CD8B2: variants seen among roughly 807,000 people sequenced by gnomAD.
CD8B2 encodes CD8B family member 2.
In CD8B2, 11 loss-of-function variants were observed where a neutral mutation model predicts 23.7. The observed-to-expected ratio is 0.46, with a 90% CI of 0.29 to 0.77. The LOEUF (loss-of-function observed/expected upper bound fraction) is 0.77. Among genes scored for constraint, CD8B2 ranks in the 30% least tolerant of loss-of-function variants. CD8B2 has a pLI of 0.09. For synonymous variants in CD8B2, 90 were observed against 109.3 expected (o/e 0.82, Z 1.10); for missense variants, 197 against 270.5 (o/e 0.73, Z 1.91).
chr2:106,504,578 C>T (rs1319126180), intron 5 of CD8B2, among the ~76,000 whole-genome samples: 1 of 21,766 alleles, frequency 4.6e-5, no homozygotes, highest in African/African-American at 9.9e-5. Context: ...AGAGTGAGAC[C>T]CCATCTAAAA....
intron 5 of CD8B2, among the ~76,000 whole-genome samples, chr2:106,536,660 C>T (rs1680095883): frequency 6.6e-6 from 1 of 152,144 alleles, no homozygotes; most frequent in Non-Finnish European, 1.5e-5. Flanking sequence ...ATATTAAGCA[C>T]AGAGGGTAGG....
At chr2:106,533,271 A>G (rs771374294) in intron 5 of CD8B2, among the ~76,000 whole-genome samples, 14 of 152,198 alleles carry the variant, frequency 9.2e-5, no homozygotes, top group Non-Finnish European at 4.4e-5. Context: ...CTCTAACATC[A>G]TGGAGAGACT....
chr2:106,496,376 C>G (rs1251017349), intron 3 of CD8B2, 114 bp downstream of exon 3: 3 of 1,452,000 alleles, frequency 2.1e-6, no homozygotes, highest in Non-Finnish European at 2.8e-6. Context: ...TAGAGCCTAT[C>G]TCCCCAGCCC....
chr2:106,496,555 C>G (rs189212855), intron 3 of CD8B2, among the ~76,000 whole-genome samples: 2 of 152,214 alleles, frequency 1.3e-5, no homozygotes, highest in Non-Finnish European at 2.9e-5. Context: ...CAGAAACTAC[C>G]CAAACATCCA....
intron 5 of CD8B2, among the ~76,000 whole-genome samples, chr2:106,536,408 A>C (rs1680090091): frequency 6.6e-6 from 1 of 152,148 alleles, no homozygotes; most frequent in South Asian, 2.1e-4. Flanking sequence ...ATCCACCCTC[A>C]AAATCCAATC....
At chr2:106,492,914 T>G (rs1679221249) in intron 2 of CD8B2, among the ~76,000 whole-genome samples, 4 of 152,206 alleles carry the variant, frequency 2.6e-5, no homozygotes, top group Admixed American at 2.6e-4. Flanking sequence ...GTTTGGGGTT[T>G]GGCTTTAGCT....
downstream of CD8B2, among the ~76,000 whole-genome samples, chr2:106,511,558 C>T (rs966005976): frequency 3.3e-5 from 5 of 151,440 alleles, no homozygotes; most frequent in Non-Finnish European, 5.9e-5. Context: ...CATCCTTACT[C>T]ATCCTCACCC....
At chr2:106,526,377 C>A (rs1243711308) in intron 5 of CD8B2, among the ~76,000 whole-genome samples, 1 of 152,130 alleles carries the variant, frequency 6.6e-6, no homozygotes, top group Non-Finnish European at 1.5e-5. Flanking sequence ...CTTCACCTCC[C>A]AAAATGAAAT....
At chr2:106,542,613 T>A (rs1680192833) in intron 5 of CD8B2, among the ~76,000 whole-genome samples, 1 of 149,424 alleles carries the variant, frequency 6.7e-6, no homozygotes, top group Non-Finnish European at 1.5e-5. Context: ...CCATGAAGGA[T>A]ATATATTATG....
chr2:106,533,800 C>T (rs780251887), intron 5 of CD8B2, among the ~76,000 whole-genome samples: 63 of 152,138 alleles, frequency 4.1e-4, no homozygotes, highest in Non-Finnish European at 8.5e-4. Flanking sequence ...AAACAGCTGA[C>T]CTGAGCCACA....
At chr2:106,497,724 A>G (rs959374843) in intron 3 of CD8B2, among the ~76,000 whole-genome samples, 1 of 152,198 alleles carries the variant, frequency 6.6e-6, no homozygotes, top group African/African-American at 2.4e-5. Flanking sequence ...ATCAGAACCA[A>G]TGTACAGAAG....
chr2:106,514,575 CT>C (rs1679696594), downstream of CD8B2, among the ~76,000 whole-genome samples: 1 of 151,884 alleles, frequency 6.6e-6, no homozygotes, highest in African/African-American at 2.4e-5. Context: ...GCGTGAGCCA[CT>C]GTGCCCGGCC....
At chr2:106,539,374 A>G (rs1680138954) in intron 5 of CD8B2, among the ~76,000 whole-genome samples, 1 of 152,226 alleles carries the variant, frequency 6.6e-6, no homozygotes, top group African/African-American at 2.4e-5. Flanking sequence ...AAAGGCAAAC[A>G]TATTTATATT....
intron 5 of CD8B2, among the ~76,000 whole-genome samples, chr2:106,525,926 G>T (rs1255188097): frequency 1.3e-5 from 2 of 152,156 alleles, no homozygotes; most frequent in African/African-American, 2.4e-5. Flanking sequence ...CGAGGCCAAA[G>T]ATATAAAATA....
intron 1 of CD8B2, among the ~76,000 whole-genome samples, chr2:106,488,163 A>T (rs1021271612): frequency 6.6e-6 from 1 of 152,006 alleles, no homozygotes; most frequent in Non-Finnish European, 1.5e-5. Context: ...CTCGTGCCCA[A>T]AAAGCCCAAA....
At chr2:106,493,401 G>C (rs1679232405) in intron 2 of CD8B2, among the ~76,000 whole-genome samples, 1 of 152,178 alleles carries the variant, frequency 6.6e-6, no homozygotes, top group Non-Finnish European at 1.5e-5. Context: ...AAACAGAACA[G>C]TCCCCCAACC....
chr2:106,491,120 G>T lies in CD8B2; in HGVS notation c.290G>T (p.Ser97Ile), dbSNP rs2104549688. The T allele has an allele frequency of 6.2e-7, 1 of 1,613,840 alleles. No individual in the cohort carries two copies. Among genetic ancestry groups the T allele is most frequent in the African/African-American group, 1.3e-5 (1 of 75,050 alleles). The change falls in exon 2 of 6, where the codon AGC (serine) becomes ATC (isoleucine). Residue 97 changes from serine to isoleucine, a missense_variant. Physicochemically the swap from Ser to Ile is moderately radical, Grantham distance 142 (BLOSUM62 -2). Around this residue, in one of 3 missense-constraint regions of CD8B2, gnomAD observed 140 missense variants for 164.2 expected, o/e 0.85. Transcript: ENST00000643224. ...QEKIAVFRDA[S>I]RFILNLTSVK... ...AAGATAGCTGTGTTTCGGGATGCAA[G>T]CCGGTTCATTCTCAATCTCACAAGC...
intron 5 of CD8B2, among the ~76,000 whole-genome samples, chr2:106,520,762 C>T (rs913503490): frequency 3.3e-5 from 5 of 152,110 alleles, no homozygotes; most frequent in African/African-American, 9.6e-5. Context: ...CCCAGCTACT[C>T]GGGAGGCTGA....
At chr2:106,524,816 C>T (rs188560548) in intron 5 of CD8B2, among the ~76,000 whole-genome samples, 1 of 152,254 alleles carries the variant, frequency 6.6e-6, no homozygotes, top group East Asian at 1.9e-4. Context: ...CCCCACCAGG[C>T]TGCACATGGG....
Sources: allele counts gnomAD v4.1 joint callset (sites outside exome capture counted in the v4.1 genomes callset), GRCh38; gene constraint gnomAD v4.1.1; regional missense constraint gnomAD v4.1.1; transcripts MANE v1.5; gene names NCBI Gene and HGNC (gene_info 2026-07-23, HGNC 2026-07-21).